The following B3GALT1 variants were observed in gnomAD, a reference collection of about 807,000 sequenced individuals.
The protein encoded by B3GALT1 is UDP-Gal:betaGlcNAc beta 1,3-galactosyltransferase, polypeptide 1.
In B3GALT1, 10 loss-of-function variants were observed where a neutral mutation model predicts 23.2. The ratio of observed to expected loss-of-function variants is 0.43; its 90% CI spans 0.27 to 0.73. The LOEUF (loss-of-function observed/expected upper bound fraction) is 0.73. B3GALT1 is among the 30% of genes least tolerant of loss of function. B3GALT1 has a pLI of 0.21. For missense variants in B3GALT1, 299 were observed against 405.4 expected (o/e 0.74, Z 2.25); for synonymous variants, 156 against 141.5 (o/e 1.10, Z -0.73).
intron 1 of B3GALT1, among the ~76,000 whole-genome samples, chr2:167,360,049 A>C (rs994947488): frequency 6.6e-6 from 1 of 152,184 alleles, no homozygotes; most frequent in Non-Finnish European, 1.5e-5. Flanking sequence ...TAGATAATAG[A>C]AAATCATGGT....
intron 3 of B3GALT1, among the ~76,000 whole-genome samples, chr2:167,700,748 C>T (rs563278624): frequency 1.3e-5 from 2 of 152,194 alleles, no homozygotes; most frequent in East Asian, 3.9e-4. Context: ...GAGCCAACCA[C>T]GCGTGGAACT....
intron 3 of B3GALT1, among the ~76,000 whole-genome samples, chr2:167,713,022 A>C (rs1017276311): frequency 1.3e-5 from 2 of 152,212 alleles, no homozygotes; most frequent in Admixed American, 6.5e-5. Flanking sequence ...TCTTTGGAGA[A>C]AGAGGCCCAT....
rs1259151951 is a variant in B3GALT1 at position 167,474,761 on chromosome 2, T to A, written c.-510-15416T>A. On this transcript the variant is annotated intron_variant, in intron 1 of 4. Transcript: ENST00000392690. Reference sequence around the variant, plus strand: ...GCCACATTCTAGTTTCTTATTATTATCATTTGGTAGACTCCTAAAATTTGA... The same window carrying A: ...GCCACATTCTAGTTTCTTATTATTAACATTTGGTAGACTCCTAAAATTTGA... Among the ~76,000 whole-genome samples the A allele has an allele frequency of 5.9e-5, 9 of 152,290 alleles. No individual in the cohort carries two copies. In the East Asian group the frequency reaches 1.7e-3, roughly 29 times the overall value.
intron 3 of B3GALT1, among the ~76,000 whole-genome samples, chr2:167,805,809 A>G (rs1348314957): frequency 6.6e-6 from 1 of 152,142 alleles, no homozygotes; most frequent in African/African-American, 2.4e-5. Flanking sequence ...TTGGCAATGC[A>G]GGCTCTTTTT....
intron 3 of B3GALT1, among the ~76,000 whole-genome samples, chr2:167,719,018 A>G (rs1005491726): frequency 3.3e-5 from 5 of 152,196 alleles, no homozygotes; most frequent in African/African-American, 1.2e-4. Flanking sequence ...AGTAGGAAAG[A>G]TGTTTGATTC....
intron 1 of B3GALT1, among the ~76,000 whole-genome samples, chr2:167,405,624 G>T (rs1698263132): frequency 6.6e-6 from 1 of 151,960 alleles, no homozygotes; most frequent in African/African-American, 2.4e-5. Context: ...CAGACAAAGG[G>T]TTTTCTTTGT....
Position 167,869,438 on chromosome 2 carries a change from G to C in B3GALT1, c.399G>C (p.Glu133Asp). Residue 133 changes from glutamate (E) to aspartate (D), a missense_variant, in exon 5 of 5, where the codon GAG (glutamate) becomes GAC (aspartate). Glu to Asp is a conservative substitution (Grantham distance 45). This residue lies in a region of B3GALT1 where 162 missense variants were observed against 184.1 expected (regional missense o/e 0.88). Coordinates refer to ENST00000392690, the MANE Select transcript of B3GALT1 (RefSeq NM_020981.4). The surrounding 1 kb of genome is among the most constrained non-coding windows in gnomAD (Gnocchi z 6.4). ...DPVLNQMVEQ[E>D]SQIFHDIIVE... Reference sequence around the variant, plus strand: ...TTCTCAATCAGATGGTGGAGCAAGAGAGCCAAATCTTCCATGATATCATCG... The same window carrying C: ...TTCTCAATCAGATGGTGGAGCAAGACAGCCAAATCTTCCATGATATCATCG... The C allele has an allele frequency of 6.2e-7, 1 of 1,614,072 alleles. No individual in the cohort carries two copies. Among genetic ancestry groups the C allele is most frequent in the Non-Finnish European group, 8.5e-7 (1 of 1,180,020 alleles).
intron 3 of B3GALT1, among the ~76,000 whole-genome samples, chr2:167,776,143 C>T (rs1360380812): frequency 2.0e-5 from 3 of 151,806 alleles, no homozygotes; most frequent in Non-Finnish European, 4.4e-5. Flanking sequence ...TACTCAGTAC[C>T]CAGCGCTTGT....
At chr2:167,575,519 G>A (rs570113466) in intron 2 of B3GALT1, among the ~76,000 whole-genome samples, 4 of 151,852 alleles carry the variant, frequency 2.6e-5, no homozygotes, top group African/African-American at 9.6e-5. Context: ...TCCTTGCCAG[G>A]GTGAAACTGA....
At chr2:167,358,761 G>A (rs1157938041) in intron 1 of B3GALT1, among the ~76,000 whole-genome samples, 1 of 152,102 alleles carries the variant, frequency 6.6e-6, no homozygotes, top group East Asian at 1.9e-4. Flanking sequence ...CTAATTTCCA[G>A]CAGTGAATTA....
intron 4 of B3GALT1, among the ~76,000 whole-genome samples, chr2:167,823,496 T>C (rs894118418): frequency 6.6e-6 from 1 of 152,236 alleles, no homozygotes; most frequent in East Asian, 1.9e-4. Flanking sequence ...CATTTTCTCA[T>C]TTGCAAGCAG....
chr2:167,481,935 G>C (rs1186250034), intron 1 of B3GALT1, among the ~76,000 whole-genome samples: 1 of 152,148 alleles, frequency 6.6e-6, no homozygotes, highest in Non-Finnish European at 1.5e-5. Context: ...TGAAGGCAGA[G>C]ATTAAAAGTC....
intron 1 of B3GALT1, among the ~76,000 whole-genome samples, chr2:167,294,204 C>T (rs1696310085): frequency 6.6e-6 from 1 of 152,182 alleles, no homozygotes; most frequent in Admixed American, 6.5e-5. Context: ...GCCCGCTGAC[C>T]TCCCAGGTTG....
intron 2 of B3GALT1, among the ~76,000 whole-genome samples, chr2:167,581,017 C>G (rs546010233): frequency 1.3e-5 from 2 of 152,290 alleles, no homozygotes; most frequent in East Asian, 3.9e-4. Flanking sequence ...TCCTCCTCCA[C>G]TCACCCCATT....
intron 3 of B3GALT1, among the ~76,000 whole-genome samples, chr2:167,801,366 C>T (rs893300640): frequency 6.6e-6 from 1 of 152,154 alleles, no homozygotes; most frequent in Non-Finnish European, 1.5e-5. Flanking sequence ...AATTCATTTC[C>T]TCCAGACCAT....
chr2:167,779,777 G>A (rs1688217550), intron 3 of B3GALT1, among the ~76,000 whole-genome samples: 1 of 152,164 alleles, frequency 6.6e-6, no homozygotes, highest in Non-Finnish European at 1.5e-5. Context: ...ATTACATATT[G>A]CATTGTTCTC....
intron 1 of B3GALT1, among the ~76,000 whole-genome samples, chr2:167,417,915 A>C (rs1698493851): frequency 6.6e-6 from 1 of 152,224 alleles, no homozygotes; most frequent in Non-Finnish European, 1.5e-5. Context: ...TTTATAGCAC[A>C]ATCAGTTGAA....
At chr2:167,294,586 C>T (rs901822463) in intron 1 of B3GALT1, among the ~76,000 whole-genome samples, 1 of 152,186 alleles carries the variant, frequency 6.6e-6, no homozygotes, top group Non-Finnish European at 1.5e-5. Flanking sequence ...GGCTCCTTGT[C>T]TCCGTGGGAG....
intron 1 of B3GALT1, among the ~76,000 whole-genome samples, chr2:167,421,888 G>A (rs1354877949): frequency 6.6e-6 from 1 of 152,202 alleles, no homozygotes. Context: ...TAGTAAAGAA[G>A]TAGTAAGTAA....
Sources: gnomAD v4.1 joint callset for allele counts (sites outside exome capture counted in the v4.1 genomes callset) on GRCh38, gnomAD v4.1.1 for gene constraint, gnomAD v4.1.1 regional missense constraint, Gnocchi (gnomAD v3.1) non-coding constraint, MANE v1.5 for transcripts, NCBI Gene and HGNC (gene_info 2026-07-23, HGNC 2026-07-21) for gene names.